Variants in TBC1D4 observed in about 807,000 individuals in gnomAD.
TBC1D4 encodes TBC1 domain family member 4, also known as TBC (Tre-2, BUB2, CDC16) domain-containing protein.
Under a neutral mutation model 142.5 loss-of-function variants are expected in TBC1D4, and 121 were observed. The ratio of observed to expected loss-of-function variants is 0.85; its 90% CI spans 0.73 to 0.99. The LOEUF is 0.99. TBC1D4 is among the 50% of genes least tolerant of loss of function. TBC1D4 has a pLI of 0.00. For synonymous variants in TBC1D4, 630 were observed against 628.2 expected, an observed-to-expected ratio of 1.00 and a Z score of -0.04; for missense variants, 1,475 against 1,606.6, an observed-to-expected ratio of 0.92 and a Z score of 1.40.
intron 11 of TBC1D4, among the ~76,000 whole-genome samples, chr13:75,323,900 A>G (rs1878991163): frequency 6.6e-6 from 1 of 152,206 alleles, no homozygotes; most frequent in Non-Finnish European, 1.5e-5. Flanking sequence ...AAAAAAAGGC[A>G]CAATCAGGGA....
chr13:75,361,441 G>T (rs534118501), intron 2 of TBC1D4, among the ~76,000 whole-genome samples: 1 of 152,068 alleles, frequency 6.6e-6, no homozygotes, highest in African/African-American at 2.4e-5. Context: ...AGTGCAGGGG[G>T]TCAATCTCAG....
At chr13:75,458,277 A>G (rs1887822639) in intron 1 of TBC1D4, among the ~76,000 whole-genome samples, 1 of 152,058 alleles carries the variant, frequency 6.6e-6, no homozygotes, top group Admixed American at 6.5e-5. Flanking sequence ...CCCCTGGCCA[A>G]TCTCTTCTCC....
chr13:75,445,581 C>T (rs932074638), intron 1 of TBC1D4, among the ~76,000 whole-genome samples: 2 of 152,150 alleles, frequency 1.3e-5, no homozygotes, highest in African/African-American at 4.8e-5. Flanking sequence ...AATCAACAAT[C>T]TCACCCAGAG....
At chr13:75,393,792 G>A (rs559411986) in intron 1 of TBC1D4, among the ~76,000 whole-genome samples, 29 of 152,098 alleles carry the variant, frequency 1.9e-4, no homozygotes, top group Middle Eastern at 3.4e-3. Context: ...TTATCCAGGC[G>A]TGGTGGCACA....
intron 12 of TBC1D4, among the ~76,000 whole-genome samples, chr13:75,313,822 G>T (rs959378513): frequency 6.6e-6 from 1 of 152,204 alleles, no homozygotes; most frequent in Admixed American, 6.5e-5. Flanking sequence ...ACCACACCCA[G>T]CCTGTTAAAA....
chr13:75,340,156 T>C (rs1393312038), intron 7 of TBC1D4, among the ~76,000 whole-genome samples: 1 of 152,258 alleles, frequency 6.6e-6, no homozygotes, highest in African/African-American at 2.4e-5. Context: ...GTCACCTTTT[T>C]CCATCACATA....
At chr13:75,432,966 C>T (rs1886652374) in intron 1 of TBC1D4, among the ~76,000 whole-genome samples, 1 of 151,262 alleles carries the variant, frequency 6.6e-6, no homozygotes, top group South Asian at 2.1e-4. Flanking sequence ...TCATGCCTGT[C>T]TGTCACAATG....
intron 1 of TBC1D4, among the ~76,000 whole-genome samples, chr13:75,446,713 T>C (rs2328943): frequency 0.71 from 108,688 of 152,150 alleles, 39,039 homozygotes; most frequent in East Asian, 0.93. Context: ...AGTTTCACAG[T>C]GTATACTGAA....
intron 1 of TBC1D4, among the ~76,000 whole-genome samples, chr13:75,363,945 A>C (rs1407721810): frequency 6.6e-6 from 1 of 152,204 alleles, no homozygotes; most frequent in Admixed American, 6.5e-5. Flanking sequence ...CAGCCTCAGG[A>C]GGTTCTGAGA....
intron 1 of TBC1D4, among the ~76,000 whole-genome samples, chr13:75,451,766 A>G (rs1169108712): frequency 2.0e-5 from 3 of 149,370 alleles, no homozygotes; most frequent in Admixed American, 6.7e-5. Flanking sequence ...TGTTATAAAA[A>G]TATATTTGTA....
chr13:75,313,397 AGAT>A (rs1361412512), intron 12 of TBC1D4, among the ~76,000 whole-genome samples: 1 of 152,252 alleles, frequency 6.6e-6, no homozygotes, highest in Non-Finnish European at 1.5e-5. Flanking sequence ...GAATCATGGC[AGAT>A]GATAACCTGA....
intron 1 of TBC1D4, among the ~76,000 whole-genome samples, chr13:75,474,060 C>CT (rs1566516825): frequency 6.6e-6 from 1 of 152,148 alleles, no homozygotes; most frequent in African/African-American, 2.4e-5. Context: ...ATCAAACAAA[C>CT]TTTTTTTATT....
chr13:75,456,233 C>T (rs1383921075), intron 1 of TBC1D4, among the ~76,000 whole-genome samples: 1 of 152,144 alleles, frequency 6.6e-6, no homozygotes, highest in African/African-American at 2.4e-5. Context: ...GCTGAGCTAA[C>T]AGAAACCTGA....
chr13:75,322,152 T>C (rs1878832308), intron 11 of TBC1D4, among the ~76,000 whole-genome samples: 1 of 152,212 alleles, frequency 6.6e-6, no homozygotes, highest in African/African-American at 2.4e-5. Flanking sequence ...TGGTGTCCTT[T>C]CCTGGGAAAA....
At chr13:75,303,229 A>AT (rs781123185) in intron 15 of TBC1D4, among the ~76,000 whole-genome samples, 2 of 152,050 alleles carry the variant, frequency 1.3e-5, no homozygotes, top group Non-Finnish European at 2.9e-5. Context: ...AGGTAGGAGA[A>AT]TCGTTTGAAC....
At chr13:75,307,285 C>T (rs1234587130) in intron 14 of TBC1D4, among the ~76,000 whole-genome samples, 1 of 152,160 alleles carries the variant, frequency 6.6e-6, no homozygotes, top group Middle Eastern at 3.2e-3. Flanking sequence ...TTGTAATAAA[C>T]TTAAAAAGAA....
intron 4 of TBC1D4, among the ~76,000 whole-genome samples, chr13:75,351,473 G>T (rs1260033862): frequency 2.0e-5 from 3 of 151,810 alleles, no homozygotes; most frequent in Admixed American, 2.0e-4. Context: ...CAACGTGCAG[G>T]TTAGTTACAT....
At chr13:75,376,942 T>C (rs986016574) in intron 1 of TBC1D4, among the ~76,000 whole-genome samples, 38 of 152,354 alleles carry the variant, frequency 2.5e-4, no homozygotes, top group Middle Eastern at 6.8e-3. Flanking sequence ...TAACCAGCAT[T>C]TATCCTGTCA....
At chr13:75,375,456 C>T (rs961149679) in intron 1 of TBC1D4, 10 of 152,038 alleles carry the variant, frequency 6.6e-5, no homozygotes, top group Non-Finnish European at 1.5e-4. Flanking sequence ...CCTGTTGAAC[C>T]CAATCGTTGG....
Sources: gnomAD v4.1 joint callset for allele counts (sites outside exome capture counted in the v4.1 genomes callset) on GRCh38, gnomAD v4.1.1 for gene constraint, MANE v1.5 for transcripts, NCBI Gene and HGNC (gene_info 2026-07-23, HGNC 2026-07-21) for gene names.